Variants in ADCY2 observed in about 807,000 individuals in gnomAD.
The protein encoded by ADCY2 is adenylate cyclase 2.
ADCY2 carries 31 observed loss-of-function variants against 125.2 expected under a neutral mutation model. The observed-to-expected ratio is 0.25, with a 90% CI of 0.19 to 0.33. The LOEUF is 0.33. Ranked by LOEUF, ADCY2 falls within the 10% of genes least tolerant of loss-of-function variation. ADCY2 has a pLI of 1.00. For missense variants in ADCY2, 904 were observed against 1,418.2 expected (o/e 0.64, Z 5.82); for synonymous variants, 512 against 548.4 (o/e 0.93, Z 0.93).
At chr5:7,646,560 C>G (rs922221142) in intron 4 of ADCY2, among the ~76,000 whole-genome samples, 1 of 152,064 alleles carries the variant, frequency 6.6e-6, no homozygotes, top group Non-Finnish European at 1.5e-5. Context: ...AGGACAAGAC[C>G]TCTCCTTGAA....
chr5:7,439,920 G>A (rs1307786933), intron 2 of ADCY2, among the ~76,000 whole-genome samples: 4 of 152,118 alleles, frequency 2.6e-5, no homozygotes, highest in African/African-American at 9.6e-5. Context: ...AATTCCGGGG[G>A]TGAGAGGAGA....
intron 20 of ADCY2, chr5:7,795,881 CT>C (rs1466746058): frequency 6.6e-6 from 1 of 152,002 alleles, no homozygotes; most frequent in Non-Finnish European, 1.5e-5. Flanking sequence ...ATGTACATAC[CT>C]TAACTTTAAA....
intron 18 of ADCY2, among the ~76,000 whole-genome samples, chr5:7,778,168 G>A (rs966966437): frequency 6.6e-6 from 1 of 152,190 alleles, no homozygotes; most frequent in African/African-American, 2.4e-5. Context: ...TGATGTTGCT[G>A]GAAGCTGTTT....
At position 7,695,753 on chromosome 5, in the gene ADCY2, A is replaced by G. The variant is rs2126321700; in HGVS notation, c.871A>G (p.Ile291Val). 1.9e-6 allele frequency: 3 copies of G among 1,605,312 alleles called. No homozygotes were observed. The highest frequency in any genetic ancestry group is 1.3e-5 in the African/African-American group (1 of 74,676). ...TCCTCACCTCCTTTCTTCCCACAGC[A>G]TCTTATACGCTGACATCGTTGGCTT... The part of the protein sequence containing the change: ...LYVKRHTNVS[I>V]LYADIVGFTR... The change falls in exon 6 of 25, where the codon ATC becomes GTC. Residue 291 changes from isoleucine (I) to valine (V), a missense_variant and splice_region_variant. Ile to Val is a conservative substitution (Grantham distance 29). Transcript: ENST00000338316.
intron 4 of ADCY2, among the ~76,000 whole-genome samples, chr5:7,654,460 C>T (rs914408687): frequency 1.3e-5 from 2 of 152,046 alleles, no homozygotes; most frequent in Non-Finnish European, 2.9e-5. Context: ...GCTGTTGGAG[C>T]GACATCCTTG....
chr5:7,575,810 A>T (rs1021237166), intron 3 of ADCY2, among the ~76,000 whole-genome samples: 2 of 152,242 alleles, frequency 1.3e-5, no homozygotes, highest in Non-Finnish European at 2.9e-5. Context: ...ATGCTAAAAA[A>T]AACCCCTATA....
intron 2 of ADCY2, among the ~76,000 whole-genome samples, chr5:7,466,635 C>T (rs1742128339): frequency 6.6e-6 from 1 of 152,188 alleles, no homozygotes; most frequent in Non-Finnish European, 1.5e-5. Flanking sequence ...CCTAGGAAGC[C>T]ACAGACTGGC....
intron 16 of ADCY2, among the ~76,000 whole-genome samples, chr5:7,761,121 G>A (rs1269052350): frequency 7.3e-6 from 1 of 137,206 alleles, no homozygotes; most frequent in East Asian, 2.1e-4. Flanking sequence ...GTATGTGTGT[G>A]TATCAAAATT....
intron 5 of ADCY2, among the ~76,000 whole-genome samples, chr5:7,694,836 T>G (rs1740837373): frequency 6.6e-6 from 1 of 152,220 alleles, no homozygotes; most frequent in Non-Finnish European, 1.5e-5. Context: ...TTAATTTTTT[T>G]GAGGACCGAA....
intron 2 of ADCY2, among the ~76,000 whole-genome samples, chr5:7,494,946 T>C (rs1054798541): frequency 6.6e-6 from 1 of 152,216 alleles, no homozygotes; most frequent in Non-Finnish European, 1.5e-5. Context: ...CCAGCTGCCA[T>C]GTTGTGGATG....
chr5:7,530,952 T>C (rs1396559407), intron 3 of ADCY2, among the ~76,000 whole-genome samples: 1 of 152,150 alleles, frequency 6.6e-6, no homozygotes, highest in East Asian at 1.9e-4. Context: ...GGAGCTCCCA[T>C]AGGACCCCAT....
At chr5:7,427,093 G>A (rs780366138) in intron 2 of ADCY2, among the ~76,000 whole-genome samples, 5 of 152,144 alleles carry the variant, frequency 3.3e-5, no homozygotes, top group East Asian at 1.9e-4. Context: ...TGCTCCCTCC[G>A]AAATCCTGGG....
chr5:7,421,216 C>T (rs1740192340), intron 2 of ADCY2, among the ~76,000 whole-genome samples: 1 of 152,210 alleles, frequency 6.6e-6, no homozygotes, highest in African/African-American at 2.4e-5. Flanking sequence ...GCTGCTGTAA[C>T]TAAGCCTCTT....
chr5:7,638,596 T>A (rs1398411235), intron 4 of ADCY2, among the ~76,000 whole-genome samples: 1 of 152,194 alleles, frequency 6.6e-6, no homozygotes, highest in African/African-American at 2.4e-5. Flanking sequence ...TGTAAGTGCC[T>A]TGCAGAAGTC....
intron 3 of ADCY2, among the ~76,000 whole-genome samples, chr5:7,545,614 C>A (rs1735123904): frequency 6.6e-6 from 1 of 152,132 alleles, no homozygotes; most frequent in Admixed American, 6.5e-5. Context: ...GGGTTTATTT[C>A]TACAGTGTTT....
intron 15 of ADCY2, among the ~76,000 whole-genome samples, chr5:7,747,923 C>A (rs1401046245): frequency 5.3e-5 from 8 of 152,222 alleles, no homozygotes; most frequent in African/African-American, 1.4e-4. Context: ...CCTGGTACCA[C>A]TGCTCAGAAA....
At chr5:7,503,288 C>G (rs1431764744) in intron 2 of ADCY2, among the ~76,000 whole-genome samples, 1 of 152,074 alleles carries the variant, frequency 6.6e-6, no homozygotes, top group Non-Finnish European at 1.5e-5. Context: ...TTAGAAGTGC[C>G]TGAGAAGTAT....
At chr5:7,646,515 C>T (rs1290976120) in intron 4 of ADCY2, among the ~76,000 whole-genome samples, 1 of 152,114 alleles carries the variant, frequency 6.6e-6, no homozygotes, top group African/African-American at 2.4e-5. Flanking sequence ...GGTAATTCAA[C>T]ATTCAGTGTG....
rs35601967 is a variant in ADCY2, at chr5:7,522,739, T to TAAAAAAAAAA, written c.570+1868_570+1877dup. ...AACACGGTGAAACCCCATCTCTACT[T>TAAAAAAAAAA]AAAAAAAAAAAAAAAAAAAAAAAAA... On this transcript the variant is annotated intron_variant, in intron 3 of 24. Coordinates refer to ENST00000338316, the MANE Select transcript of ADCY2 (RefSeq NM_020546.3). 103 of 122,584 alleles carry TAAAAAAAAAA rather than the reference T, an allele frequency of 8.4e-4. 3 individuals are homozygous for TAAAAAAAAAA. Among genetic ancestry groups the TAAAAAAAAAA allele is most frequent in the Non-Finnish European group, 1.4e-3 (87 of 63,458 alleles). 7.6% of individuals were successfully genotyped at this position (122,584 alleles called of 1,614,324 possible). A position where few individuals can be genotyped will look rare whatever the true frequency, so the allele number is the denominator to read the frequency against.
Sources: allele counts gnomAD v4.1 joint callset (sites outside exome capture counted in the v4.1 genomes callset), GRCh38; gene constraint gnomAD v4.1.1; transcripts MANE v1.5; gene names NCBI Gene and HGNC (gene_info 2026-07-23, HGNC 2026-07-21).